Variants in ROBO1 observed in about 807,000 individuals in gnomAD.
ROBO1 encodes roundabout guidance receptor 1.
ROBO1 carries 149 observed loss-of-function variants against 195.9 expected under a neutral mutation model. That is an observed-to-expected ratio of 0.76 (90% confidence interval 0.67 to 0.87). ROBO1 has a LOEUF of 0.87. Ranked by LOEUF, ROBO1 falls within the 40% of genes least tolerant of loss-of-function variation. The pLI, the probability that ROBO1 is intolerant of heterozygous loss-of-function variation, is 0.00. For synonymous variants in ROBO1, 816 were observed against 733.2 expected (o/e 1.11, Z -1.82); for missense variants, 1,933 against 2,068.3 (o/e 0.93, Z 1.27).
At chr3:79,579,102 G>A (rs1943581352) in intron 2 of ROBO1, among the ~76,000 whole-genome samples, 1 of 152,138 alleles carries the variant, frequency 6.6e-6, no homozygotes, top group Non-Finnish European at 1.5e-5. Context: ...CTATGGGCCA[G>A]GCAGTAATTT....
intron 4 of ROBO1, among the ~76,000 whole-genome samples, chr3:78,874,391 T>G (rs566035070): frequency 6.6e-6 from 1 of 151,954 alleles, no homozygotes; most frequent in East Asian, 1.9e-4. Flanking sequence ...AAAAGCCAAC[T>G]TAAAACTAAT....
At chr3:79,083,686 C>T (rs62259662) in intron 3 of ROBO1, among the ~76,000 whole-genome samples, 19,370 of 152,158 alleles carry the variant, frequency 0.13, 1,386 homozygotes, top group East Asian at 0.17. Flanking sequence ...CTACGTTGGC[C>T]AATCAAGGGC....
At chr3:78,650,067 GTTAA>G (rs1324899200) in intron 19 of ROBO1, among the ~76,000 whole-genome samples, 1 of 152,052 alleles carries the variant, frequency 6.6e-6, no homozygotes, top group Non-Finnish European at 1.5e-5. Context: ...ACATCTATAT[GTTAA>G]TTAGTCACTC....
At chr3:79,069,336 A>G (rs1297162639) in intron 3 of ROBO1, among the ~76,000 whole-genome samples, 1 of 151,762 alleles carries the variant, frequency 6.6e-6, no homozygotes, top group African/African-American at 2.4e-5. Context: ...CAGATTGTGT[A>G]GCATTTAACT....
rs1390989809 is a variant in ROBO1, at chr3:79,180,754, G to T, written c.89-55215C>A. Among the ~76,000 whole-genome samples the T allele has an allele frequency of 2.0e-5, 3 of 152,116 alleles. No homozygotes were observed. In the South Asian group the frequency reaches 6.2e-4, roughly 32 times the overall value. ...AGGAAAAAAGTCAGTGTTATGATGG[G>T]TCATGACTGGGTGATGGGCCCTAAG... On this transcript the variant is annotated intron_variant, in intron 2 of 30. Transcript: ENST00000464233.
intron 2 of ROBO1, among the ~76,000 whole-genome samples, chr3:79,536,056 C>G (rs1010997571): frequency 2.0e-5 from 3 of 151,976 alleles, no homozygotes; most frequent in Non-Finnish European, 2.9e-5. Flanking sequence ...CAAAAAACAC[C>G]TTTTAAACCG....
chr3:78,841,544 T>G (rs192527712), intron 4 of ROBO1, among the ~76,000 whole-genome samples: 2 of 152,116 alleles, frequency 1.3e-5, no homozygotes, highest in Non-Finnish European at 2.9e-5. Flanking sequence ...TGACCATAAG[T>G]GGAGTGGAAT....
chr3:79,236,361 C>A lies in ROBO1; in HGVS notation c.89-110822G>T, dbSNP rs1293705612. 2.6e-5 allele frequency among the ~76,000 whole-genome samples: 4 copies of A among 152,002 alleles called. No individual in the cohort carries two copies. In the East Asian group the frequency reaches 7.7e-4, roughly 29 times the overall value. On this transcript the variant is annotated intron_variant, in intron 2 of 30. Transcript: ENST00000464233. Reference sequence around the variant, plus strand: ...GCAACATTTTCATGTTCAATGTGTGCCAATTACCAATGGTTTCTTGTTGTT... The same window carrying A: ...GCAACATTTTCATGTTCAATGTGTGACAATTACCAATGGTTTCTTGTTGTT...
At chr3:79,034,295 T>C (rs1030832922) in intron 3 of ROBO1, among the ~76,000 whole-genome samples, 1 of 152,142 alleles carries the variant, frequency 6.6e-6, no homozygotes, top group Non-Finnish European at 1.5e-5. Context: ...GTTTGTATCT[T>C]AAGACTCAGG....
intron 2 of ROBO1, among the ~76,000 whole-genome samples, chr3:79,560,892 A>G (rs1942893299): frequency 6.6e-6 from 1 of 152,168 alleles, no homozygotes; most frequent in African/African-American, 2.4e-5. Context: ...TTGCTATGAT[A>G]TGTATATACA....
At chr3:78,627,607 G>C in intron 25 of ROBO1, 38 bp from the exon 26 acceptor site, 1 of 1,554,864 alleles carries the variant, frequency 6.4e-7, no homozygotes, top group South Asian at 1.2e-5. Context: ...CTTACTTCAG[G>C]TTATTCAAAT....
intron 4 of ROBO1, among the ~76,000 whole-genome samples, chr3:78,830,557 A>C (rs1559900874): frequency 6.6e-6 from 1 of 152,218 alleles, no homozygotes; most frequent in Non-Finnish European, 1.5e-5. Flanking sequence ...AGGAAGGAGA[A>C]GAATGAAAAC....
chr3:78,801,055 G>A (rs1308736359), intron 4 of ROBO1, among the ~76,000 whole-genome samples: 13 of 152,108 alleles, frequency 8.5e-5, no homozygotes, highest in Admixed American at 7.9e-4. Context: ...TGAACACAAA[G>A]TTAGAGCACT....
At chr3:79,123,290 T>G (rs2080154744) in intron 3 of ROBO1, among the ~76,000 whole-genome samples, 1 of 151,972 alleles carries the variant, frequency 6.6e-6, no homozygotes, top group South Asian at 2.1e-4. Context: ...CTCAATTATC[T>G]GTGACTCTAG....
chr3:79,276,995 G>A (rs1025952394), intron 2 of ROBO1, among the ~76,000 whole-genome samples: 15 of 151,966 alleles, frequency 9.9e-5, no homozygotes, highest in African/African-American at 3.6e-4. Context: ...GTGGAGAAAA[G>A]GGAATCCTTG....
chr3:79,506,787 G>A (rs1186438281), intron 2 of ROBO1, among the ~76,000 whole-genome samples: 1 of 152,216 alleles, frequency 6.6e-6, no homozygotes, highest in African/African-American at 2.4e-5. Context: ...TTGGTGTTAA[G>A]TATGTTGAGT....
intron 2 of ROBO1, among the ~76,000 whole-genome samples, chr3:79,330,641 GC>G (rs1242692250): frequency 6.8e-5 from 8 of 117,000 alleles, no homozygotes; most frequent in African/African-American, 2.7e-4. Context: ...GGCCTGCCAA[GC>G]CTAAAATATT....
chr3:79,436,734 G>C (rs1315480954), intron 2 of ROBO1, among the ~76,000 whole-genome samples: 1 of 151,970 alleles, frequency 6.6e-6, no homozygotes, highest in Non-Finnish European at 1.5e-5. Context: ...CAAAAATGAA[G>C]ATCATGTTCT....
chr3:79,427,702 C>G (rs956306512), intron 2 of ROBO1, among the ~76,000 whole-genome samples: 1 of 152,144 alleles, frequency 6.6e-6, no homozygotes, highest in Non-Finnish European at 1.5e-5. Flanking sequence ...AGGACAGTCT[C>G]TTCAATAAGT....
Sources: allele counts gnomAD v4.1 joint callset (sites outside exome capture counted in the v4.1 genomes callset), GRCh38; gene constraint gnomAD v4.1.1; transcripts MANE v1.5; gene names NCBI Gene and HGNC (gene_info 2026-07-23, HGNC 2026-07-21).